The following TPCN2 variants were observed in gnomAD, a reference collection of about 807,000 sequenced individuals.
TPCN2 encodes two pore segment channel 2.
Under a neutral mutation model 111.4 loss-of-function variants are expected in TPCN2, and 92 were observed. The ratio of observed to expected loss-of-function variants is 0.83; its 90% CI spans 0.70 to 0.98. TPCN2 has a LOEUF of 0.98. Ranked by LOEUF, TPCN2 falls within the 50% of genes least tolerant of loss-of-function variation. The pLI is 0.00. For missense variants in TPCN2, 995 were observed against 980.1 expected (o/e 1.02, Z -0.20); for synonymous variants, 405 against 414.5 (o/e 0.98, Z 0.28).
rs935803480 is a variant in TPCN2 at position 69,088,886 on chromosome 11, A to G, written c.*933A>G. 37 of 152,038 alleles carry G rather than the reference A, an allele frequency of 2.4e-4. No individual in the cohort carries two copies. Among genetic ancestry groups the G allele is most frequent in the African/African-American group, 8.2e-4 (34 of 41,342 alleles). 9.4% of individuals were successfully genotyped at this position (152,038 alleles called of 1,614,324 possible). Reference sequence around the variant, plus strand: ...GGTTTGGGTGCCATCTAGTGGTGGGATGGGACTTGGTTGACTACATTTAAG... The same window carrying G: ...GGTTTGGGTGCCATCTAGTGGTGGGGTGGGACTTGGTTGACTACATTTAAG... On this transcript the variant is annotated 3_prime_UTR_variant, in exon 25 of 25. Coordinates refer to ENST00000294309, the MANE Select transcript of TPCN2 (RefSeq NM_139075.4).
intron 7 of TPCN2, among the ~76,000 whole-genome samples, chr11:69,065,127 T>C (rs1420842875): frequency 1.3e-5 from 2 of 152,114 alleles, no homozygotes; most frequent in African/African-American, 2.4e-5. Flanking sequence ...TGTGTGCGTG[T>C]GCATGTGTGT....
At chr11:69,062,746 C>A in intron 5 of TPCN2, 138 bp from the exon 6 acceptor site, 1 of 755,628 alleles carries the variant, frequency 1.3e-6, no homozygotes, top group African/African-American at 1.7e-5. Context: ...TGGAGCCAGG[C>A]CCTCCACTTT....
chr11:69,073,116 T>C (rs1855610656), intron 13 of TPCN2, 115 bp downstream of exon 13: 2 of 733,876 alleles, frequency 2.7e-6, no homozygotes, highest in South Asian at 3.2e-5. Context: ...CTGCCAGGGA[T>C]CCTGGCTCCT....
intron 2 of TPCN2, chr11:69,054,478 G>C: frequency 3.5e-6 from 2 of 576,406 alleles, no homozygotes; most frequent in Non-Finnish European, 6.2e-6. Context: ...TGTTCCCTGA[G>C]TGTTTGCTCA....
intron 7 of TPCN2, among the ~76,000 whole-genome samples, chr11:69,064,559 C>T (rs1315091321): frequency 2.0e-5 from 3 of 152,200 alleles, no homozygotes; most frequent in South Asian, 4.1e-4. Flanking sequence ...CTTCCTGTCC[C>T]CCAACCCCGC....
At chr11:69,073,864 C>G (rs1052799481) in intron 13 of TPCN2, among the ~76,000 whole-genome samples, 3 of 152,094 alleles carry the variant, frequency 2.0e-5, no homozygotes, top group Non-Finnish European at 4.4e-5. Flanking sequence ...GTGTCCTCAC[C>G]TGAGGCCTCT....
At position 69,071,316 on chromosome 11, in the gene TPCN2, T is replaced by C. The variant is rs761628657; in HGVS notation, c.896-40T>C. The C allele has an allele frequency of 5.7e-6, 9 of 1,577,278 alleles. No individual in the cohort carries two copies. The South Asian group carries it at 1.0e-4, about 18-fold the overall frequency. ...CACCCTTGCGTTGGTTTTGCTGCTGTACTGGTGGCGCCCCTGACCGTGGCT... is the reference window on the plus strand; with the variant it reads ...CACCCTTGCGTTGGTTTTGCTGCTGCACTGGTGGCGCCCCTGACCGTGGCT... On this transcript the variant is annotated intron_variant, in intron 9 of 24. Transcript: ENST00000294309.
chr11:69,070,357 T>C (rs896464583), intron 8 of TPCN2, 73 bp from the exon 9 acceptor site: 6 of 1,234,686 alleles, frequency 4.9e-6, no homozygotes, highest in Non-Finnish European at 7.1e-6. Flanking sequence ...CAAAAGCAAA[T>C]AGTGTAGCGT....
Position 69,089,698 on chromosome 11 carries a change from A to G in TPCN2, c.*1745A>G, listed in dbSNP as rs1424856858. The G allele has an allele frequency of 6.6e-6, 1 of 152,276 alleles. No homozygotes were observed. Among genetic ancestry groups the G allele is most frequent in the Non-Finnish European group, 1.5e-5 (1 of 68,074 alleles). The allele number at this position is 152,276 out of a possible 1,614,324, so 9.4% of individuals were successfully genotyped here. ...TGGTCAGCTTCTCCACTGCCCAGTG[A>G]ACGACCCCTTTGTAATGAATGAGTG... On this transcript the variant is annotated 3_prime_UTR_variant, in exon 25 of 25. Coordinates refer to ENST00000294309, the MANE Select transcript of TPCN2 (RefSeq NM_139075.4).
rs775580353 is a variant in TPCN2 at position 69,055,246 on chromosome 11, C to T, written c.323C>T (p.Thr108Met). 34 of 1,614,120 alleles carry T rather than the reference C, an allele frequency of 2.1e-5. No homozygotes were observed. The highest frequency in any genetic ancestry group is 2.7e-5 in the African/African-American group (2 of 74,956). Reference sequence around the variant, plus strand: ...GAGACCCCATCCTCACTCACCAGCACGGCGGACGTGCGCTACCGCGCTGCT... The same window carrying T: ...GAGACCCCATCCTCACTCACCAGCATGGCGGACGTGCGCTACCGCGCTGCT... ...FIETPSSLTS[T>M]ADVRYRAAPW... The change falls in exon 4 of 25, where the codon ACG (threonine) becomes ATG (methionine). Residue 108 changes from threonine to methionine, a missense_variant. Thr to Met is a moderately conservative substitution (Grantham distance 81). Coordinates refer to ENST00000294309, the MANE Select transcript of TPCN2 (RefSeq NM_139075.4).
chr11:69,059,732 A>T (rs374180757), intron 5 of TPCN2, among the ~76,000 whole-genome samples: 14 of 152,320 alleles, frequency 9.2e-5, no homozygotes, highest in African/African-American at 3.4e-4. Flanking sequence ...TGGTGCTGGG[A>T]GAGGCGTTGG....
intron 1 of TPCN2, among the ~76,000 whole-genome samples, chr11:69,053,301 G>A (rs1861317920): frequency 1.3e-5 from 2 of 152,340 alleles, no homozygotes; most frequent in East Asian, 1.9e-4. Context: ...GGACTCGGGC[G>A]TTCCTGCAGC....
At chr11:69,067,399 TG>T in intron 7 of TPCN2, 103 bp from the exon 8 acceptor site, 1 of 1,029,944 alleles carries the variant, frequency 9.7e-7, no homozygotes, top group Non-Finnish European at 1.5e-6. Flanking sequence ...AGATGCAGGC[TG>T]GGCGGCGGGT....
chr11:69,053,193 G>A (rs1330380650), intron 1 of TPCN2, among the ~76,000 whole-genome samples: 4 of 152,224 alleles, frequency 2.6e-5, no homozygotes, highest in African/African-American at 9.6e-5. Context: ...AGCCACTGCC[G>A]CTTTTGCCCA....
chr11:69,088,000 C>T lies in TPCN2; in HGVS notation c.*47C>T, dbSNP rs751711256. On this transcript the variant is annotated 3_prime_UTR_variant, in exon 25 of 25. Transcript: ENST00000294309. Reference sequence around the variant, plus strand: ...AGGGGCGGCAGGAGAGAGAGGCTGGCCTACACAGGTGCCCGTCATGGAAGA... The same window carrying T: ...AGGGGCGGCAGGAGAGAGAGGCTGGTCTACACAGGTGCCCGTCATGGAAGA... 6 of 1,534,942 alleles carry T rather than the reference C, an allele frequency of 3.9e-6. No homozygotes were observed. The Middle Eastern group carries it at 7.0e-4, about 178-fold the overall frequency.
At chr11:69,086,775 C>T (rs987658827) in intron 23 of TPCN2, among the ~76,000 whole-genome samples, 171 bp downstream of exon 23, 3 of 152,134 alleles carry the variant, frequency 2.0e-5, no homozygotes, top group Non-Finnish European at 4.4e-5. Flanking sequence ...CAGTGCTGCC[C>T]GCCCTGGCTG....
chr11:69,054,288 C>A (rs918917853), intron 2 of TPCN2, 191 bp downstream of exon 2: 8 of 600,012 alleles, frequency 1.3e-5, no homozygotes, highest in Non-Finnish European at 2.1e-5. Context: ...ATCCTGGACG[C>A]ATTTGCTGCT....
intron 9 of TPCN2, 137 bp downstream of exon 9, chr11:69,070,632 C>A: frequency 1.5e-6 from 1 of 654,112 alleles, no homozygotes; most frequent in Non-Finnish European, 2.5e-6. Flanking sequence ...GATCCCCTGC[C>A]AACAGCTTTT....
In TPCN2 at chr11:69,071,260, C is replaced by T. The variant is rs142678003; in HGVS notation, c.896-96C>T. 3.5e-4 allele frequency: 319 copies of T among 911,018 alleles called. 1 individual carries two copies. The highest frequency in any genetic ancestry group is 1.8e-3 in the African/African-American group (110 of 61,524). 56.4% of individuals were successfully genotyped at this position (911,018 alleles called of 1,614,324 possible). A position where few individuals can be genotyped will look rare whatever the true frequency, so the allele number is the denominator to read the frequency against. ...GGCCATGTTTCCATTTGATAGGGGA[C>T]GCCCCCGGCGCTGTGCTATCCTGTG... On this transcript the variant is annotated intron_variant, in intron 9 of 24. Transcript: ENST00000294309.
Sources: allele counts gnomAD v4.1 joint callset (sites outside exome capture counted in the v4.1 genomes callset), GRCh38; gene constraint gnomAD v4.1.1; transcripts MANE v1.5; gene names NCBI Gene and HGNC (gene_info 2026-07-23, HGNC 2026-07-21).